The following GPC3 variants were observed in gnomAD, a reference collection of about 807,000 sequenced individuals.
GPC3 encodes glypican-3.
GPC3 carries 3 observed loss-of-function variants against 34.4 expected under a neutral mutation model. The observed-to-expected ratio is 0.09, with a 90% confidence interval of 0.04 to 0.23. The LOEUF (loss-of-function observed/expected upper bound fraction) is 0.23. Ranked by LOEUF, GPC3 falls within the 10% of genes least tolerant of loss-of-function variation. GPC3 has a pLI of 1.00. For missense variants in GPC3, 351 were observed against 445.6 expected (o/e 0.79, Z 1.91); for synonymous variants, 177 against 174.0 (o/e 1.02, Z -0.13).
chrX:133,610,263 T>C (rs967063677), intron 6 of GPC3, among the ~76,000 whole-genome samples: 6 of 111,599 alleles, frequency 5.4e-5, no homozygotes, highest in Non-Finnish European at 1.1e-4. Context: ...CTCCTGGGAC[T>C]GAAGTGTTTG....
intron 7 of GPC3, among the ~76,000 whole-genome samples, chrX:133,537,903 T>A (rs1295960051): frequency 1.8e-5 from 2 of 111,669 alleles, no homozygotes; most frequent in African/African-American, 6.5e-5. Context: ...TTTGCCTATA[T>A]TTTATACAAA....
At chrX:133,771,253 G>A (rs1256424231) in intron 2 of GPC3, among the ~76,000 whole-genome samples, 1 of 112,639 alleles carries the variant, frequency 8.9e-6, no homozygotes, top group Non-Finnish European at 1.9e-5. Flanking sequence ...ATTTTAAATG[G>A]GCATTTGAAA....
intron 3 of GPC3, among the ~76,000 whole-genome samples, chrX:133,734,095 C>A (rs2071487060): frequency 9.0e-6 from 1 of 111,675 alleles, no homozygotes; most frequent in Non-Finnish European, 1.9e-5. Flanking sequence ...AAATCACAAG[C>A]AAACTATAGA....
chrX:133,587,552 T>C (rs2069802109), intron 7 of GPC3, among the ~76,000 whole-genome samples: 1 of 112,167 alleles, frequency 8.9e-6, no homozygotes, highest in Non-Finnish European at 1.9e-5. Flanking sequence ...TACTAGTGTA[T>C]ATTGCCACCA....
intron 2 of GPC3, among the ~76,000 whole-genome samples, chrX:133,859,301 G>A (rs183414153): frequency 9.0e-6 from 1 of 110,617 alleles, no homozygotes; most frequent in African/African-American, 3.3e-5. Flanking sequence ...CCATACAGGG[G>A]TGCTGAGCCA....
intron 7 of GPC3, among the ~76,000 whole-genome samples, chrX:133,566,195 T>C (rs1569384165): frequency 8.9e-6 from 1 of 112,046 alleles, no homozygotes; most frequent in Non-Finnish European, 1.9e-5. Flanking sequence ...ATCACCATAA[T>C]GTGCACTGCT....
At chrX:133,934,081 C>G (rs374486871) in intron 2 of GPC3, among the ~76,000 whole-genome samples, 1 of 107,286 alleles carries the variant, frequency 9.3e-6, no homozygotes, top group East Asian at 2.9e-4. Context: ...ACCACCTTGG[C>G]CAGGCTGGTC....
chrX:133,749,586 T>A (rs2071642080), intron 3 of GPC3, among the ~76,000 whole-genome samples: 1 of 111,526 alleles, frequency 9.0e-6, no homozygotes, highest in Non-Finnish European at 1.9e-5. Flanking sequence ...ATCTTCATAA[T>A]CTGGGTAGAT....
In GPC3 at chrX:133,564,109, A is replaced by G. The variant is rs558881537; in HGVS notation, c.1574-27816T>C. 3.4e-3 allele frequency among the ~76,000 whole-genome samples: 380 copies of G among 111,307 alleles called. 6 individuals are homozygous for G. The Middle Eastern group carries it at 0.046, about 13-fold the overall frequency. ...CAGTCTTTAACTCTGCCACCAGCCC[A>G]TTGGTCTTTTAAGAGAGAGGAGAGA... On this transcript the variant is annotated intron_variant, in intron 7 of 7. Transcript: ENST00000370818.
chrX:133,852,501 T>A (rs1040164846), intron 2 of GPC3, among the ~76,000 whole-genome samples: 5 of 112,476 alleles, frequency 4.4e-5, no homozygotes, highest in Non-Finnish European at 9.4e-5. Flanking sequence ...CTTGGGGAAC[T>A]AAATACATTC....
chrX:133,689,738 A>G (rs2071043971), intron 5 of GPC3, among the ~76,000 whole-genome samples: 1 of 112,170 alleles, frequency 8.9e-6, no homozygotes, highest in Non-Finnish European at 1.9e-5. Flanking sequence ...ACATCAGTAA[A>G]TAAATATATT....
intron 3 of GPC3, among the ~76,000 whole-genome samples, chrX:133,732,744 T>C (rs2071473674): frequency 1.8e-5 from 2 of 111,974 alleles, no homozygotes; most frequent in African/African-American, 6.5e-5. Flanking sequence ...ATCACCCAAA[T>C]TGGCATCTAA....
intron 2 of GPC3, among the ~76,000 whole-genome samples, chrX:133,948,858 T>C (rs2076380525): frequency 8.9e-6 from 1 of 111,996 alleles, no homozygotes; most frequent in African/African-American, 3.2e-5. Flanking sequence ...GTTGTTGAAA[T>C]ACATCATGAA....
intron 2 of GPC3, among the ~76,000 whole-genome samples, chrX:133,802,705 A>G (rs1449951792): frequency 9.0e-6 from 1 of 111,208 alleles, no homozygotes; most frequent in Non-Finnish European, 1.9e-5. Context: ...CATTTTATCA[A>G]TATAAACAAT....
chrX:133,577,224 A>G (rs1195977171), intron 7 of GPC3, among the ~76,000 whole-genome samples: 1 of 112,454 alleles, frequency 8.9e-6, no homozygotes, highest in Admixed American at 9.5e-5. Flanking sequence ...TGAAGCTAAG[A>G]TGAAAATGGC....
chrX:133,675,242 T>A (rs1252232502), intron 5 of GPC3, among the ~76,000 whole-genome samples: 2 of 111,940 alleles, frequency 1.8e-5, no homozygotes, highest in Non-Finnish European at 3.8e-5. Context: ...CCTCTGGCCT[T>A]AGTCACAGTC....
chrX:133,557,082 A>G (rs2069496444), intron 7 of GPC3, among the ~76,000 whole-genome samples: 1 of 109,501 alleles, frequency 9.1e-6, no homozygotes, highest in African/African-American at 3.3e-5. Context: ...TCATGAGGTC[A>G]GGAGATCGAG....
chrX:133,844,750 G>T (rs1217960937), intron 2 of GPC3, among the ~76,000 whole-genome samples: 1 of 112,225 alleles, frequency 8.9e-6, no homozygotes, highest in Admixed American at 9.4e-5. Flanking sequence ...ACCTACAGTG[G>T]AGATTATAGA....
chrX:133,712,667 G>A (rs1486583697), intron 3 of GPC3, among the ~76,000 whole-genome samples: 1 of 109,498 alleles, frequency 9.1e-6, no homozygotes, highest in Admixed American at 9.8e-5. Context: ...ATCACTTGAG[G>A]TCAGGAGTTT....
Sources: gnomAD v4.1 joint callset for allele counts (sites outside exome capture counted in the v4.1 genomes callset) on GRCh38, gnomAD v4.1.1 for gene constraint, MANE v1.5 for transcripts, NCBI Gene and HGNC (gene_info 2026-07-23, HGNC 2026-07-21) for gene names.